Variants in TMEM132C observed in about 807,000 individuals in gnomAD.
The protein encoded by TMEM132C is transmembrane protein 132C.
A neutral mutation model predicts 61.4 loss-of-function variants in TMEM132C; 29 were observed. The observed-to-expected ratio is 0.47, with a 90% CI of 0.35 to 0.64. The LOEUF is 0.64. Ranked by LOEUF, TMEM132C falls within the 30% of genes least tolerant of loss-of-function variation. The pLI is 0.00. For synonymous variants in TMEM132C, 656 were observed against 633.1 expected (o/e 1.04, Z -0.54); for missense variants, 1,408 against 1,476.9 (o/e 0.95, Z 0.76).
At chr12:128,537,356 GGAGAAA>G (rs1873569512) in intron 2 of TMEM132C, among the ~76,000 whole-genome samples, 2 of 152,278 alleles carry the variant, frequency 1.3e-5, no homozygotes, top group South Asian at 4.1e-4. Context: ...TAGCCCTCAG[GGAGAAA>G]GCCTAATGGT....
chr12:128,304,728 G>A (rs1034517119), intron 1 of TMEM132C, among the ~76,000 whole-genome samples: 2 of 152,228 alleles, frequency 1.3e-5, no homozygotes, highest in Admixed American at 6.5e-5. Flanking sequence ...GAAGATGTAA[G>A]TGCCAAGTTC....
At chr12:128,666,690 A>T (rs1359017523) in intron 4 of TMEM132C, among the ~76,000 whole-genome samples, 1 of 152,242 alleles carries the variant, frequency 6.6e-6, no homozygotes, top group Admixed American at 6.5e-5. Context: ...ACCAGTCAGA[A>T]GAGTGGTTTT....
At chr12:128,455,821 G>A (rs1870320909) in intron 2 of TMEM132C, among the ~76,000 whole-genome samples, 1 of 152,172 alleles carries the variant, frequency 6.6e-6, no homozygotes, top group Non-Finnish European at 1.5e-5. Flanking sequence ...GGGCTGTGGG[G>A]GAGCCCGGGG....
chr12:128,494,691 A>G (rs2136103644), intron 2 of TMEM132C, among the ~76,000 whole-genome samples: 1 of 151,934 alleles, frequency 6.6e-6, no homozygotes, highest in African/African-American at 2.4e-5. Flanking sequence ...ATCGGTGGTG[A>G]TATCCCCTTT....
chr12:128,317,191 A>G (rs1565899320), intron 1 of TMEM132C, among the ~76,000 whole-genome samples: 1 of 149,012 alleles, frequency 6.7e-6, no homozygotes. Flanking sequence ...TTCTGTACTC[A>G]TTTTTTTTTT....
intron 2 of TMEM132C, among the ~76,000 whole-genome samples, chr12:128,453,907 T>A (rs549649393): frequency 2.0e-5 from 3 of 152,298 alleles, no homozygotes; most frequent in South Asian, 2.1e-4. Flanking sequence ...GTTCGATTTT[T>A]AAAAAAATCC....
chr12:128,609,680 C>T (rs1047068136), intron 3 of TMEM132C, among the ~76,000 whole-genome samples: 8 of 152,160 alleles, frequency 5.3e-5, no homozygotes, highest in Non-Finnish European at 1.0e-4. Flanking sequence ...GAACTAGGTA[C>T]AGAGAGCATG....
At chr12:128,618,425 C>T (rs1876878840) in intron 4 of TMEM132C, among the ~76,000 whole-genome samples, 1 of 152,186 alleles carries the variant, frequency 6.6e-6, no homozygotes, top group East Asian at 1.9e-4. Context: ...TTCAAAAGTT[C>T]ATTGATAAAC....
At chr12:128,383,106 G>A (rs1874462443) in intron 1 of TMEM132C, among the ~76,000 whole-genome samples, 2 of 147,438 alleles carry the variant, frequency 1.4e-5, no homozygotes, top group Admixed American at 6.8e-5. Context: ...GTGTACATGT[G>A]TATACATGTG....
At chr12:128,390,651 C>G (rs1356611577) in intron 1 of TMEM132C, among the ~76,000 whole-genome samples, 3 of 152,166 alleles carry the variant, frequency 2.0e-5, no homozygotes, top group African/African-American at 4.8e-5. Context: ...GGATGAGGCC[C>G]TCTCTAGGAG....
At chr12:128,518,256 G>T (rs1203655251) in intron 2 of TMEM132C, among the ~76,000 whole-genome samples, 1 of 152,218 alleles carries the variant, frequency 6.6e-6, no homozygotes, top group Non-Finnish European at 1.5e-5. Flanking sequence ...GAAATAGAAA[G>T]CACCTAGATA....
At chr12:128,405,148 C>A (rs1417013581) in intron 1 of TMEM132C, among the ~76,000 whole-genome samples, 1 of 152,038 alleles carries the variant, frequency 6.6e-6, no homozygotes, top group African/African-American at 2.4e-5. Flanking sequence ...AGCAGATGAA[C>A]TGGAGTAAGA....
At chr12:128,463,918 TTGGA>T (rs1240831665) in intron 2 of TMEM132C, among the ~76,000 whole-genome samples, 3 of 152,162 alleles carry the variant, frequency 2.0e-5, no homozygotes, top group Admixed American at 6.5e-5. Context: ...CGGGCCCACC[TTGGA>T]TTCATGTGTG....
At chr12:128,495,952 T>A (rs1871939017) in intron 2 of TMEM132C, among the ~76,000 whole-genome samples, 1 of 152,204 alleles carries the variant, frequency 6.6e-6, no homozygotes, top group African/African-American at 2.4e-5. Context: ...ACTTGGCATG[T>A]TTTTGCAGTG....
intron 1 of TMEM132C, among the ~76,000 whole-genome samples, chr12:128,292,191 A>C (rs748788259): frequency 3.3e-5 from 5 of 152,184 alleles, no homozygotes; most frequent in Non-Finnish European, 7.3e-5. Flanking sequence ...TTCTGACAAA[A>C]TATCACTTTT....
At chr12:128,559,162 C>T (rs1874429915) in intron 3 of TMEM132C, among the ~76,000 whole-genome samples, 1 of 150,552 alleles carries the variant, frequency 6.6e-6, no homozygotes, top group Non-Finnish European at 1.5e-5. Context: ...CACATACACA[C>T]ACAAACACAC....
intron 1 of TMEM132C, among the ~76,000 whole-genome samples, chr12:128,379,472 T>G (rs769085600): frequency 7.9e-5 from 12 of 152,192 alleles, no homozygotes; most frequent in Non-Finnish European, 1.5e-4. Flanking sequence ...AGGGATTTAA[T>G]TCCTGTCAGT....
At chr12:128,375,859 C>A (rs1282834812) in intron 1 of TMEM132C, among the ~76,000 whole-genome samples, 1 of 152,134 alleles carries the variant, frequency 6.6e-6, no homozygotes, top group Admixed American at 6.5e-5. Context: ...GGATTTGAGG[C>A]AAGAGCGAGG....
At chr12:128,353,977 A>G (rs1289686526) in intron 1 of TMEM132C, among the ~76,000 whole-genome samples, 5 of 152,172 alleles carry the variant, frequency 3.3e-5, no homozygotes, top group Admixed American at 6.5e-5. Context: ...CACATCAGGT[A>G]ATTTAAAAGC....
Sources: allele counts gnomAD v4.1 joint callset (sites outside exome capture counted in the v4.1 genomes callset), GRCh38; gene constraint gnomAD v4.1.1; transcripts MANE v1.5; gene names NCBI Gene and HGNC (gene_info 2026-07-23, HGNC 2026-07-21).